Variants in CELSR1 observed in about 807,000 individuals in gnomAD.
CELSR1 encodes cadherin EGF LAG seven-pass G-type receptor 1.
CELSR1 carries 110 observed loss-of-function variants against 249.1 expected under a neutral mutation model. The observed-to-expected ratio is 0.44, with a 90% CI of 0.38 to 0.52. CELSR1 has a LOEUF of 0.52. CELSR1 is among the 20% of genes least tolerant of loss of function. The probability of loss-of-function intolerance (pLI) is 0.00; values close to 1 mark genes in which losing one functional copy is unlikely to be tolerated. For missense variants in CELSR1, 4,109 were observed against 4,296.4 expected (o/e 0.96, Z 1.22); for synonymous variants, 2,113 against 1,900.0 (o/e 1.11, Z -2.92).
chr22:46,363,087 C>T lies in CELSR1; in HGVS notation c.*136G>A. 1 of 1,589,778 alleles carries T rather than the reference C, an allele frequency of 6.3e-7. No homozygotes were observed. The highest frequency in any genetic ancestry group is 8.6e-7 in the Non-Finnish European group (1 of 1,159,938). ...GGCTGCCACCATGGGGACCGCCACACTCTGGGCCCACTCCACTTCAAGGGC... is the reference window on the plus strand; with the variant it reads ...GGCTGCCACCATGGGGACCGCCACATTCTGGGCCCACTCCACTTCAAGGGC... On this transcript the variant is annotated 3_prime_UTR_variant, in exon 35 of 35. Coordinates refer to ENST00000674500, the MANE Select transcript of CELSR1 (RefSeq NM_001378328.1). The surrounding 1 kb of genome is among the most constrained non-coding windows in gnomAD (Gnocchi z 4.3).
chr22:46,511,342 C>A (rs905688627), intron 1 of CELSR1, among the ~76,000 whole-genome samples: 2 of 152,214 alleles, frequency 1.3e-5, no homozygotes, highest in African/African-American at 4.8e-5. Flanking sequence ...GTCTACACAG[C>A]TGGCTGCTCA....
chr22:46,389,702 G>A (rs920382228), intron 17 of CELSR1, among the ~76,000 whole-genome samples: 1 of 152,194 alleles, frequency 6.6e-6, no homozygotes, highest in African/African-American at 2.4e-5. Context: ...GATCATTTGA[G>A]GTCAGGAATT....
At chr22:46,481,242 C>CAAAA (rs112875441) in intron 1 of CELSR1, 21 of 284,204 alleles carry the variant, frequency 7.4e-5, no homozygotes, top group East Asian at 1.5e-4. Flanking sequence ...GACCATGTCT[C>CAAAA]AAAAAAAAAA....
At chr22:46,494,028 G>A (rs995154744) in intron 1 of CELSR1, among the ~76,000 whole-genome samples, 1 of 152,288 alleles carries the variant, frequency 6.6e-6, no homozygotes, top group South Asian at 2.1e-4. Context: ...TATTAAGAAT[G>A]AAACAGATTC....
Position 46,410,393 on chromosome 22 carries a change from C to G in CELSR1, c.4933+5G>C. On this transcript the variant is annotated splice_donor_5th_base_variant and intron_variant, in intron 7 of 34. Transcript: ENST00000674500. This position sits in a 1 kb window ranked among gnomAD's most constrained non-coding sequence, Gnocchi z 6.8. ...CAGCTCCGACGCCCTGACGGCCACC[C>G]GTACCTTCCCGGGTGCCATTGTTGG... The G allele has an allele frequency of 6.2e-7, 1 of 1,612,504 alleles. No homozygotes were observed. The highest frequency in any genetic ancestry group is 8.5e-7 in the Non-Finnish European group (1 of 1,178,844).
rs1209460820 is a variant in CELSR1, at chr22:46,429,830, C to T, written c.4611+3563G>A. Among the ~76,000 whole-genome samples, 6 of 152,236 alleles carry T rather than the reference C, an allele frequency of 3.9e-5. No homozygotes were observed. Among genetic ancestry groups the T allele is most frequent in the African/African-American group, 1.4e-4 (6 of 41,460 alleles). Reference sequence around the variant, plus strand: ...TTTCTGGGCTCCAATCTGCCCTTTCCCTTGATGCTCTAGGACTAAGGGCCA... The same window carrying T: ...TTTCTGGGCTCCAATCTGCCCTTTCTCTTGATGCTCTAGGACTAAGGGCCA... On this transcript the variant is annotated intron_variant, in intron 5 of 34. Transcript: ENST00000674500. This position sits in a 1 kb window ranked among gnomAD's most constrained non-coding sequence, Gnocchi z 4.1.
chr22:46,365,798 C>T, intron 30 of CELSR1, 109 bp from the exon 31 acceptor site: 2 of 595,068 alleles, frequency 3.4e-6, no homozygotes, highest in Non-Finnish European at 5.1e-6. Context: ...TTCCCAACAA[C>T]AGCACAGACA....
intron 29 of CELSR1, among the ~76,000 whole-genome samples, chr22:46,366,719 G>A (rs547055976): frequency 1.3e-5 from 2 of 152,304 alleles, no homozygotes; most frequent in Admixed American, 6.5e-5. Context: ...CCTCCCTACG[G>A]CCACTGCTTC....
rs2079662411 is a variant in CELSR1 at position 46,436,436 on chromosome 22, G to A, written c.4407-147C>T. 3.3e-6 allele frequency: 2 copies of A among 607,980 alleles called. No homozygotes were observed. The highest frequency in any genetic ancestry group is 5.9e-6 in the Non-Finnish European group (2 of 339,382). The allele number at this position is 607,980 out of a possible 1,614,324, so 37.7% of individuals were successfully genotyped here. On this transcript the variant is annotated intron_variant, in intron 3 of 34. Coordinates refer to ENST00000674500, the MANE Select transcript of CELSR1 (RefSeq NM_001378328.1). The surrounding 1 kb of genome is among the most constrained non-coding windows in gnomAD (Gnocchi z 5.9). Reference sequence around the variant, plus strand: ...TGTCAGGCATGCGTCCTTCTCATAGGAGCAGACAGCCCATCAAGCTTGATA... The same window carrying A: ...TGTCAGGCATGCGTCCTTCTCATAGAAGCAGACAGCCCATCAAGCTTGATA...
intron 5 of CELSR1, among the ~76,000 whole-genome samples, chr22:46,416,593 CAG>C (rs1479011762): frequency 2.0e-5 from 3 of 152,198 alleles, no homozygotes; most frequent in African/African-American, 7.2e-5. Flanking sequence ...CAGGCGGAAA[CAG>C]AGCCAGCAAG....
At chr22:46,366,592 C>G in intron 29 of CELSR1, 112 bp from the exon 30 acceptor site, 1 of 856,772 alleles carries the variant, frequency 1.2e-6, no homozygotes, top group Admixed American at 2.1e-5. Context: ...CTGGCTGGGC[C>G]CCTGCCTGGC....
chr22:46,392,145 G>A (rs1156487478), intron 14 of CELSR1, among the ~76,000 whole-genome samples: 1 of 152,260 alleles, frequency 6.6e-6, no homozygotes, highest in Non-Finnish European at 1.5e-5. Flanking sequence ...GATAGCCCTT[G>A]GGCGTTTTTT....
chr22:46,375,288 G>A (rs1273287927), intron 24 of CELSR1, among the ~76,000 whole-genome samples: 1 of 152,110 alleles, frequency 6.6e-6, no homozygotes, highest in African/African-American at 2.4e-5. Context: ...CTTGGCCTCT[G>A]CAGGTGTCCC....
rs886663923 is a variant in CELSR1 at position 46,454,616 on chromosome 22, C to T, written c.4183+9091G>A. ...GACATTTCTGGGCAGATGTTTGTTC[C>T]TCACTGACTCACATTCCACACCTAG... is the stretch of plus-strand genomic sequence containing the variant. On this transcript the variant is annotated intron_variant, in intron 2 of 34. Coordinates refer to ENST00000674500, the MANE Select transcript of CELSR1 (RefSeq NM_001378328.1). This position sits in a 1 kb window ranked among gnomAD's most constrained non-coding sequence, Gnocchi z 5.1. Among the ~76,000 whole-genome samples the T allele has an allele frequency of 6.6e-6, 1 of 152,244 alleles. No homozygotes were observed. Among genetic ancestry groups the T allele is most frequent in the African/African-American group, 2.4e-5 (1 of 41,472 alleles).
rs764432962 is a variant in CELSR1, at chr22:46,534,510, G to A, written c.2661C>T (p.Asp887=). The A allele has an allele frequency of 1.9e-6, 3 of 1,613,426 alleles. No homozygotes were observed. The highest frequency in any genetic ancestry group is 1.1e-5 in the South Asian group (1 of 91,088). Residue 887 remains aspartate, a synonymous_variant, in exon 1 of 35, where the codon GAC becomes GAT. Transcript: ENST00000674500. The surrounding 1 kb of genome is among the most constrained non-coding windows in gnomAD (Gnocchi z 9.7). ...AATCCCACAGGAACTGGGGTGCATT[G>A]TCATTGGCATCGAGGATGAGGATCT... is the stretch of plus-strand genomic sequence containing the variant. ...TLEILILDAN[D]NAPQFLWDFY...
At position 46,484,168 on chromosome 22, in the gene CELSR1, T is replaced by C. The variant is rs2080293012; in HGVS notation, c.3545-19823A>G. Among the ~76,000 whole-genome samples, 2 of 152,274 alleles carry C rather than the reference T, an allele frequency of 1.3e-5. No individual in the cohort carries two copies. The highest frequency in any genetic ancestry group is 4.1e-4 in the South Asian group (2 of 4,826). On this transcript the variant is annotated intron_variant, in intron 1 of 34. Coordinates refer to ENST00000674500, the MANE Select transcript of CELSR1 (RefSeq NM_001378328.1). This position sits in a 1 kb window ranked among gnomAD's most constrained non-coding sequence, Gnocchi z 4.5. ...TACAGGGCAAGAGAAGGGGAGCTGCTGGGGAGAGCCGTTACGACGGTGGGG... is the reference window on the plus strand; with the variant it reads ...TACAGGGCAAGAGAAGGGGAGCTGCCGGGGAGAGCCGTTACGACGGTGGGG...
rs1026438702 is a variant in CELSR1, at chr22:46,362,556, C to T, written c.*667G>A. The T allele has an allele frequency of 2.0e-5, 3 of 152,572 alleles. No homozygotes were observed. The highest frequency in any genetic ancestry group is 4.4e-5 in the Non-Finnish European group (3 of 68,106). The allele number at this position is 152,572 out of a possible 1,614,324, so 9.5% of individuals were successfully genotyped here. On this transcript the variant is annotated 3_prime_UTR_variant, in exon 35 of 35. Coordinates refer to ENST00000674500, the MANE Select transcript of CELSR1 (RefSeq NM_001378328.1). ...CTTTGATCTGCTGGGGCACCAGTTT[C>T]GTCAACACATGCCAGATTCAAGTAC...
In CELSR1 at chr22:46,474,346, G is replaced by A. The variant is rs192716745; in HGVS notation, c.3545-10001C>T. Among the ~76,000 whole-genome samples the A allele has an allele frequency of 3.0e-4, 45 of 152,130 alleles. No homozygotes were observed. In the East Asian group the frequency reaches 6.8e-3, roughly 23 times the overall value. On this transcript the variant is annotated intron_variant, in intron 1 of 34. Coordinates refer to ENST00000674500, the MANE Select transcript of CELSR1 (RefSeq NM_001378328.1). ...TCTTTGGAATCCAAGTCCACACTCT[G>A]TAACCCCACCACTGCCATCCCCTCG...
At chr22:46,482,974 A>T (rs151157896) in intron 1 of CELSR1, among the ~76,000 whole-genome samples, 1 of 152,288 alleles carries the variant, frequency 6.6e-6, no homozygotes, top group African/African-American at 2.4e-5. Flanking sequence ...GGCAAATGGG[A>T]AAGAGGAGCA....
Sources: allele counts gnomAD v4.1 joint callset (sites outside exome capture counted in the v4.1 genomes callset), GRCh38; gene constraint gnomAD v4.1.1; non-coding constraint Gnocchi (gnomAD v3.1); transcripts MANE v1.5; gene names NCBI Gene and HGNC (gene_info 2026-07-23, HGNC 2026-07-21).